The following SIK2 variants were observed in gnomAD, a reference collection of about 807,000 sequenced individuals.
SIK2 encodes the protein salt inducible kinase 2.
SIK2 carries 29 observed loss-of-function variants against 103.2 expected under a neutral mutation model. That is an observed-to-expected ratio of 0.28 (90% CI 0.21 to 0.38). The LOEUF (loss-of-function observed/expected upper bound fraction) is 0.38, where lower values mean the gene tolerates loss of function less well. SIK2 is among the 10% of genes least tolerant of loss of function. The probability of loss-of-function intolerance (pLI) is 1.00; values close to 1 mark genes in which losing one functional copy is unlikely to be tolerated. For missense variants in SIK2, 879 were observed against 1,171.0 expected (o/e 0.75, Z 3.64); for synonymous variants, 412 against 446.1 (o/e 0.92, Z 0.96).
chr11:111,707,673 C>G (rs1943387968), intron 8 of SIK2, among the ~76,000 whole-genome samples: 1 of 152,130 alleles, frequency 6.6e-6, no homozygotes, highest in Admixed American at 6.5e-5. Context: ...ATAAATGTGC[C>G]TAAAGTTTTA....
intron 10 of SIK2, 75 bp from the exon 11 acceptor site, chr11:111,720,403 T>G: frequency 7.0e-7 from 1 of 1,419,128 alleles, no homozygotes; most frequent in Non-Finnish European, 9.5e-7. Context: ...AAACTCAAGC[T>G]GGTTATGCTT....
intron 3 of SIK2, among the ~76,000 whole-genome samples, chr11:111,639,832 A>G (rs1027564536): frequency 1.3e-5 from 2 of 152,186 alleles, no homozygotes; most frequent in African/African-American, 4.8e-5. Context: ...GAGTGTGTAG[A>G]AAGTATTTCT....
At chr11:111,608,992 C>T (rs1434178999) in intron 1 of SIK2, among the ~76,000 whole-genome samples, 9 of 91,416 alleles carry the variant, frequency 9.8e-5, no homozygotes, top group Non-Finnish European at 1.4e-4. Context: ...TTCTTCATTA[C>T]TTTTAAATTT....
chr11:111,719,287 A>G (rs534509651), intron 9 of SIK2, among the ~76,000 whole-genome samples: 38 of 152,174 alleles, frequency 2.5e-4, no homozygotes, highest in Non-Finnish European at 4.7e-4. Flanking sequence ...AATTTTGAAC[A>G]TAAAAGTCTT....
intron 3 of SIK2, among the ~76,000 whole-genome samples, chr11:111,669,210 C>A (rs190831079): frequency 3.3e-5 from 5 of 152,188 alleles, no homozygotes; most frequent in African/African-American, 9.6e-5. Context: ...AGAGTTTGGA[C>A]AGGGTGAGAG....
intron 3 of SIK2, among the ~76,000 whole-genome samples, chr11:111,682,332 G>C (rs1319764421): frequency 6.6e-6 from 1 of 152,122 alleles, no homozygotes; most frequent in Admixed American, 6.5e-5. Context: ...CATGACAGTG[G>C]CATAGGAAAA....
At chr11:111,686,388 C>T (rs1360260078) in intron 3 of SIK2, among the ~76,000 whole-genome samples, 1 of 152,128 alleles carries the variant, frequency 6.6e-6, no homozygotes, top group Non-Finnish European at 1.5e-5. Context: ...TTGCAGTGAG[C>T]CAAGATTACA....
intron 9 of SIK2, among the ~76,000 whole-genome samples, chr11:111,714,545 G>A (rs1943585831): frequency 6.6e-6 from 1 of 152,172 alleles, no homozygotes; most frequent in South Asian, 2.1e-4. Context: ...AGGTGATGAG[G>A]CCTGAACTAG....
intron 3 of SIK2, among the ~76,000 whole-genome samples, chr11:111,647,935 A>G (rs1045601410): frequency 1.3e-5 from 2 of 152,052 alleles, no homozygotes; most frequent in African/African-American, 4.8e-5. Flanking sequence ...TTTTCTATTT[A>G]TAGATGAAAA....
chr11:111,640,212 G>C (rs1942162715), intron 3 of SIK2, among the ~76,000 whole-genome samples: 1 of 152,124 alleles, frequency 6.6e-6, no homozygotes, highest in Non-Finnish European at 1.5e-5. Flanking sequence ...CTAGTCTGTT[G>C]TAAATCACAA....
intron 3 of SIK2, among the ~76,000 whole-genome samples, chr11:111,622,871 G>A (rs1328885718): frequency 6.6e-6 from 1 of 152,062 alleles, no homozygotes; most frequent in Admixed American, 6.6e-5. Context: ...TCATTATGAT[G>A]AGCCTTTGTG....
At chr11:111,603,981 G>C (rs886230796) in intron 1 of SIK2, among the ~76,000 whole-genome samples, 14 of 152,360 alleles carry the variant, frequency 9.2e-5, no homozygotes, top group African/African-American at 3.4e-4. Context: ...AAAGGAAGGG[G>C]TATATGTCAT....
intron 4 of SIK2, among the ~76,000 whole-genome samples, chr11:111,696,503 G>A (rs753899902): frequency 8.1e-4 from 123 of 152,272 alleles, no homozygotes; most frequent in Non-Finnish European, 1.1e-3. Flanking sequence ...TAAATGTTTT[G>A]TTTATAATAG....
At chr11:111,709,921 C>T (rs930253460) in intron 8 of SIK2, among the ~76,000 whole-genome samples, 4 of 152,192 alleles carry the variant, frequency 2.6e-5, no homozygotes, top group African/African-American at 9.6e-5. Flanking sequence ...CCATTTAAAG[C>T]GTCCGAGCTA....
intron 4 of SIK2, among the ~76,000 whole-genome samples, chr11:111,700,285 A>T (rs1943183597): frequency 6.6e-6 from 1 of 152,172 alleles, no homozygotes; most frequent in South Asian, 2.1e-4. Flanking sequence ...AGTGATGGTG[A>T]TAGGTGGCTT....
intron 9 of SIK2, among the ~76,000 whole-genome samples, chr11:111,713,339 T>C (rs1476939981): frequency 1.3e-5 from 2 of 152,206 alleles, no homozygotes; most frequent in Non-Finnish European, 1.5e-5. Flanking sequence ...TAGTAGAGTG[T>C]CATAGAAAAC....
rs1283435654 is a variant in SIK2, at chr11:111,705,439, G to A, written c.1101+300G>A. Among the ~76,000 whole-genome samples the A allele has an allele frequency of 2.0e-5, 3 of 152,142 alleles. No individual in the cohort carries two copies. Among genetic ancestry groups the A allele is most frequent in the Non-Finnish European group, 2.9e-5 (2 of 68,036 alleles). ...TTTTTATTACAGATTTACCACGTGCGAGCTTCTATTCTTAGGCACTGTTGG... is the reference window on the plus strand; with the variant it reads ...TTTTTATTACAGATTTACCACGTGCAAGCTTCTATTCTTAGGCACTGTTGG... On this transcript the variant is annotated intron_variant, in intron 8 of 14. Coordinates refer to ENST00000304987, the MANE Select transcript of SIK2 (RefSeq NM_015191.3). The surrounding 1 kb of genome is among the most constrained non-coding windows in gnomAD (Gnocchi z 4.3).
At chr11:111,662,381 C>A (rs7109592) in intron 3 of SIK2, among the ~76,000 whole-genome samples, 93,224 of 152,016 alleles carry the variant, frequency 0.61, 31,495 homozygotes, top group East Asian at 0.96. Context: ...ACATCCTAAG[C>A]GAGGGAAAAA....
In SIK2 at chr11:111,722,055, T is replaced by A; in HGVS notation, c.2055+115T>A. ...TTTAGGGTAGCTGCTTGATTCCTTATAGGCAAGTAGCTTTGACTCTGTACT... is the reference window on the plus strand; with the variant it reads ...TTTAGGGTAGCTGCTTGATTCCTTAAAGGCAAGTAGCTTTGACTCTGTACT... On this transcript the variant is annotated intron_variant, in intron 13 of 14. Coordinates refer to ENST00000304987, the MANE Select transcript of SIK2 (RefSeq NM_015191.3). The surrounding 1 kb of genome is among the most constrained non-coding windows in gnomAD (Gnocchi z 4.4). 1.5e-6 allele frequency: 1 copy of A among 682,778 alleles called. No individual in the cohort carries two copies. The highest frequency in any genetic ancestry group is 2.3e-6 in the Non-Finnish European group (1 of 435,854). 42.3% of individuals were successfully genotyped at this position (682,778 alleles called of 1,614,324 possible).
Sources: gnomAD v4.1 joint callset for allele counts (sites outside exome capture counted in the v4.1 genomes callset) on GRCh38, gnomAD v4.1.1 for gene constraint, Gnocchi (gnomAD v3.1) non-coding constraint, MANE v1.5 for transcripts, NCBI Gene and HGNC (gene_info 2026-07-23, HGNC 2026-07-21) for gene names.